Variants in RBPJ observed in about 807,000 individuals in gnomAD.
The protein encoded by RBPJ is recombining binding protein suppressor of hairless.
RBPJ carries 9 observed loss-of-function variants against 67.8 expected under a neutral mutation model. The ratio of observed to expected loss-of-function variants is 0.13; its 90% confidence interval spans 0.08 to 0.23. The LOEUF (loss-of-function observed/expected upper bound fraction) is 0.23. RBPJ is among the 10% of genes least tolerant of loss of function. The pLI is 1.00. For missense variants in RBPJ, 305 were observed against 595.6 expected (o/e 0.51, Z 5.08); for synonymous variants, 198 against 203.3 (o/e 0.97, Z 0.22).
intron 1 of RBPJ, among the ~76,000 whole-genome samples, chr4:26,222,885 G>A (rs1046471260): frequency 3.3e-5 from 5 of 151,926 alleles, no homozygotes; most frequent in Non-Finnish European, 7.4e-5. Context: ...GCCAGGCGTG[G>A]TGGCTCAAGC....
chr4:26,353,678 G>A (rs1228544173), intron 1 of RBPJ, among the ~76,000 whole-genome samples: 1 of 147,626 alleles, frequency 6.8e-6, no homozygotes, highest in Non-Finnish European at 1.5e-5. Context: ...GTGCGATCTT[G>A]GCTCACTGCA....
chr4:26,160,112 G>C (rs772500320), upstream of RBPJ, among the ~76,000 whole-genome samples: 1 of 151,956 alleles, frequency 6.6e-6, no homozygotes, highest in Non-Finnish European at 1.5e-5. Context: ...TAGAAATGGG[G>C]TTTCACCGTG....
chr4:26,408,533 A>C (rs1733704150), intron 3 of RBPJ, among the ~76,000 whole-genome samples: 1 of 152,206 alleles, frequency 6.6e-6, no homozygotes, highest in African/African-American at 2.4e-5. Context: ...TGGAGGAAGA[A>C]TCTAAAAGGC....
chr4:26,266,692 C>A (rs1720714819), intron 1 of RBPJ, among the ~76,000 whole-genome samples: 1 of 152,148 alleles, frequency 6.6e-6, no homozygotes, highest in Middle Eastern at 3.4e-3. Context: ...GATCTTCCTG[C>A]TGTTTTCTCA....
chr4:26,156,219 C>T, the RBPJ span, among the ~76,000 whole-genome samples: 1 of 152,110 alleles, frequency 6.6e-6, no homozygotes, highest in Non-Finnish European at 1.5e-5. Context: ...ATTGTTAATG[C>T]AGTGTAAAGT....
At chr4:26,420,272 G>C (rs1403583262) in intron 4 of RBPJ, among the ~76,000 whole-genome samples, 2 of 151,968 alleles carry the variant, frequency 1.3e-5, no homozygotes, top group African/African-American at 4.8e-5. Context: ...CAGTTGTAGA[G>C]CTATGTAAAA....
intron 1 of RBPJ, among the ~76,000 whole-genome samples, chr4:26,214,599 AAAC>A (rs1718569547): frequency 7.3e-6 from 1 of 137,470 alleles, no homozygotes; most frequent in African/African-American, 2.9e-5. Context: ...GGAAGGGAGG[AAAC>A]AGAGAGAGAA....
intron 1 of RBPJ, among the ~76,000 whole-genome samples, chr4:26,263,053 G>A (rs1359414975): frequency 6.6e-6 from 1 of 152,124 alleles, no homozygotes; most frequent in Non-Finnish European, 1.5e-5. Flanking sequence ...AACCTTCCCA[G>A]TTTTCCTGCC....
chr4:26,305,340 C>T (rs1345746561), intron 1 of RBPJ, among the ~76,000 whole-genome samples: 1 of 152,150 alleles, frequency 6.6e-6, no homozygotes, highest in African/African-American at 2.4e-5. Flanking sequence ...TGTGGCTGTC[C>T]TTGTCAGTTT....
chr4:26,247,530 C>G (rs1719968002), intron 1 of RBPJ, among the ~76,000 whole-genome samples: 1 of 152,118 alleles, frequency 6.6e-6, no homozygotes, highest in Non-Finnish European at 1.5e-5. Context: ...CCTGCCTCGG[C>G]CTCCCGAGTA....
intron 1 of RBPJ, among the ~76,000 whole-genome samples, chr4:26,299,835 C>T (rs1355368369): frequency 1.3e-5 from 2 of 151,722 alleles, no homozygotes; most frequent in African/African-American, 2.4e-5. Flanking sequence ...CCTGCCACCA[C>T]GCCTGACTAA....
At chr4:26,277,979 T>TTG (rs1028372161) in intron 1 of RBPJ, among the ~76,000 whole-genome samples, 17 of 152,282 alleles carry the variant, frequency 1.1e-4, no homozygotes, top group Middle Eastern at 3.4e-3. Flanking sequence ...ATGTGTGTGT[T>TTG]TGTGTGTGTG....
At chr4:26,412,069 C>T (rs1320495305) in intron 3 of RBPJ, among the ~76,000 whole-genome samples, 5 of 147,954 alleles carry the variant, frequency 3.4e-5, no homozygotes, top group South Asian at 2.1e-4. Context: ...GAGTGGAGGT[C>T]GCGCCACTGC....
intron 1 of RBPJ, among the ~76,000 whole-genome samples, chr4:26,379,288 TC>T (rs1730077797): frequency 6.6e-6 from 1 of 151,844 alleles, no homozygotes; most frequent in Non-Finnish European, 1.5e-5. Flanking sequence ...CAAGCAATCC[TC>T]CCGCCTCTCA....
At chr4:26,279,096 C>T (rs936961239) in intron 1 of RBPJ, among the ~76,000 whole-genome samples, 1 of 152,160 alleles carries the variant, frequency 6.6e-6, no homozygotes, top group East Asian at 1.9e-4. Context: ...AAGCACCCAG[C>T]ACAGTGCCTG....
intron 1 of RBPJ, among the ~76,000 whole-genome samples, chr4:26,229,906 C>T (rs60687241): frequency 1.3e-5 from 2 of 152,014 alleles, no homozygotes; most frequent in African/African-American, 2.4e-5. Flanking sequence ...ATTCAGTCAT[C>T]GGCCAAGTGC....
chr4:26,287,581 C>G (rs6842460), intron 1 of RBPJ, among the ~76,000 whole-genome samples: 503 of 11,448 alleles, frequency 0.044, 53 homozygotes, highest in Middle Eastern at 0.17. Flanking sequence ...AAGGAAAGGA[C>G]AGGAGAGGAG....
intron 1 of RBPJ, among the ~76,000 whole-genome samples, chr4:26,282,573 T>G (rs1019615320): frequency 6.6e-6 from 1 of 151,982 alleles, no homozygotes; most frequent in Non-Finnish European, 1.5e-5. Context: ...CAGGCTGAAG[T>G]GCAATGGCGC....
chr4:26,403,900 C>T (rs1733109917), intron 2 of RBPJ, among the ~76,000 whole-genome samples: 1 of 152,114 alleles, frequency 6.6e-6, no homozygotes, highest in African/African-American at 2.4e-5. Context: ...GGTGTATACC[C>T]AGTAATGGGA....
Sources: gnomAD v4.1 joint callset for allele counts (sites outside exome capture counted in the v4.1 genomes callset) on GRCh38, gnomAD v4.1.1 for gene constraint, MANE v1.5 for transcripts, NCBI Gene and HGNC (gene_info 2026-07-23, HGNC 2026-07-21) for gene names.